GLT1D1: variants seen among roughly 807,000 people sequenced by gnomAD.
GLT1D1 encodes glycosyltransferase 1 domain-containing protein 1.
Under a neutral mutation model 28.7 loss-of-function variants are expected in GLT1D1, and 21 were observed. That is an observed-to-expected ratio of 0.73 (90% CI 0.52 to 1.05). GLT1D1 has a LOEUF of 1.05. Ranked by LOEUF, GLT1D1 falls within the 50% of genes least tolerant of loss-of-function variation. GLT1D1 has a pLI of 0.00. For synonymous variants in GLT1D1, 147 were observed against 124.8 expected (o/e 1.18, Z -1.19); for missense variants, 343 against 330.6 (o/e 1.04, Z -0.29).
intron 7 of GLT1D1, among the ~76,000 whole-genome samples, chr12:128,960,109 C>G (rs1431080035): frequency 6.6e-6 from 1 of 152,148 alleles, no homozygotes; most frequent in African/African-American, 2.4e-5. Flanking sequence ...CCATCAGACA[C>G]GACTCTGCGG....
intron 6 of GLT1D1, among the ~76,000 whole-genome samples, chr12:128,952,083 T>C (rs555629145): frequency 6.6e-6 from 1 of 152,190 alleles, no homozygotes; most frequent in East Asian, 1.9e-4. Flanking sequence ...TGCCAGGCCC[T>C]GGAGATGCCG....
At chr12:128,883,964 A>T (rs1346278347) in intron 2 of GLT1D1, among the ~76,000 whole-genome samples, 1 of 152,202 alleles carries the variant, frequency 6.6e-6, no homozygotes, top group Non-Finnish European at 1.5e-5. Context: ...GAAACAAGGG[A>T]TGACTGAATA....
intron 4 of GLT1D1, chr12:128,944,910 T>C (rs542420215): frequency 6.5e-5 from 30 of 463,750 alleles, no homozygotes; most frequent in Admixed American, 6.0e-4. Context: ...AACTCGTCAT[T>C]TACATTAGGT....
At chr12:128,967,196 TC>T (rs1878540666) in intron 7 of GLT1D1, among the ~76,000 whole-genome samples, 1 of 145,056 alleles carries the variant, frequency 6.9e-6, no homozygotes, top group Non-Finnish European at 1.5e-5. Flanking sequence ...CTAGCATTTA[TC>T]CAGAATGGGC....
chr12:128,859,383 C>T (rs10847705), intron 1 of GLT1D1, among the ~76,000 whole-genome samples: 23,400 of 152,092 alleles, frequency 0.15, 1,953 homozygotes, highest in Middle Eastern at 0.22. Context: ...ACTCTGCCTC[C>T]GGAAGAGCAT....
intron 4 of GLT1D1, among the ~76,000 whole-genome samples, chr12:128,923,877 G>A (rs1327652757): frequency 1.3e-5 from 2 of 151,948 alleles, no homozygotes; most frequent in Non-Finnish European, 2.9e-5. Context: ...TGAAGCAAAT[G>A]TGTCTAAATT....
chr12:128,928,623 TC>T (rs111375701), intron 4 of GLT1D1, among the ~76,000 whole-genome samples: 15,533 of 147,854 alleles, frequency 0.11, 864 homozygotes, highest in East Asian at 0.18. Flanking sequence ...TTTTTTTTTT[TC>T]TTTCTTTCTT....
chr12:128,983,180 A>G lies in GLT1D1; in HGVS notation c.*90A>G. 1.7e-6 allele frequency: 2 copies of G among 1,205,844 alleles called. No homozygotes were observed. Among genetic ancestry groups the G allele is most frequent in the Admixed American group, 2.1e-5 (1 of 47,802 alleles). 74.7% of individuals were successfully genotyped at this position (1,205,844 alleles called of 1,614,324 possible). On this transcript the variant is annotated 3_prime_UTR_variant, in exon 8 of 8. Transcript: ENST00000281703. This position sits in a 1 kb window ranked among gnomAD's most constrained non-coding sequence, Gnocchi z 4.7. The stretch of plus-strand genomic sequence containing the variant: ...GTTCTGGATCACGTGGGCCCAGTGC[A>G]GTTCAAATAAAACCAGCCTCAGCGG...
intron 7 of GLT1D1, among the ~76,000 whole-genome samples, chr12:128,964,035 T>C (rs1189145577): frequency 6.6e-6 from 1 of 152,194 alleles, no homozygotes; most frequent in Non-Finnish European, 1.5e-5. Context: ...TAGACAGCTG[T>C]CTTCTCCCTG....
At chr12:128,920,319 C>T (rs563139171) in intron 4 of GLT1D1, among the ~76,000 whole-genome samples, 4 of 152,194 alleles carry the variant, frequency 2.6e-5, no homozygotes, top group Admixed American at 2.6e-4. Flanking sequence ...GGCCGGAGGC[C>T]GAGGCAGCGG....
intron 4 of GLT1D1, among the ~76,000 whole-genome samples, chr12:128,922,837 C>T (rs984815322): frequency 2.1e-5 from 3 of 145,180 alleles, no homozygotes; most frequent in East Asian, 2.1e-4. Flanking sequence ...GCAGGAGAAT[C>T]GCTTGAACCC....
chr12:128,909,767 G>T (rs1871336613), intron 4 of GLT1D1, among the ~76,000 whole-genome samples: 1 of 152,158 alleles, frequency 6.6e-6, no homozygotes, highest in Admixed American at 6.5e-5. Context: ...CTATTTATAG[G>T]TATCTATCCA....
At chr12:128,970,834 C>T (rs1296722878) in intron 7 of GLT1D1, among the ~76,000 whole-genome samples, 1 of 152,220 alleles carries the variant, frequency 6.6e-6, no homozygotes, top group Non-Finnish European at 1.5e-5. Context: ...CATCTATAAA[C>T]ACCAGTCCCC....
At chr12:128,905,763 C>T (rs969422955) in intron 4 of GLT1D1, among the ~76,000 whole-genome samples, 2 of 151,790 alleles carry the variant, frequency 1.3e-5, no homozygotes, top group Non-Finnish European at 1.5e-5. Context: ...GCGTGATCAA[C>T]GTAGGTTATG....
rs1471206668 is a variant in GLT1D1, at chr12:128,853,510, C to T, written c.-72C>T. ...CAGCCGCCCCGGCTCCCCCGCCGTC[C>T]GCGTCTGCGCCGGCCCCGGGGCCTG... On this transcript the variant is annotated 5_prime_UTR_variant, in exon 1 of 8. Coordinates refer to ENST00000281703, the MANE Select transcript of GLT1D1 (RefSeq NM_144669.3). The T allele has an allele frequency of 1.0e-6, 1 of 998,680 alleles. No individual in the cohort carries two copies. The highest frequency in any genetic ancestry group is 1.2e-6 in the Non-Finnish European group (1 of 837,478). 61.9% of individuals were successfully genotyped at this position (998,680 alleles called of 1,614,324 possible).
At chr12:128,914,858 C>G (rs1871943169) in intron 4 of GLT1D1, 75 bp from the exon 6 acceptor site, 1 of 999,798 alleles carries the variant, frequency 1.0e-6, no homozygotes, top group African/African-American at 1.6e-5. Context: ...TAATAAGCCT[C>G]AACACAAAAT....
chr12:128,983,135 G>A lies in GLT1D1; in HGVS notation c.*45G>A. On this transcript the variant is annotated 3_prime_UTR_variant, in exon 8 of 8. Transcript: ENST00000281703. The surrounding 1 kb of genome is among the most constrained non-coding windows in gnomAD (Gnocchi z 4.7). ...ACCTGCTCTCTGACACACAGCTCTG[G>A]GTGCACACTCAGAGACAGAGTTCTG... 6.4e-7 allele frequency: 1 copy of A among 1,555,332 alleles called. No individual in the cohort carries two copies. Among genetic ancestry groups the A allele is most frequent in the Non-Finnish European group, 8.8e-7 (1 of 1,130,446 alleles).
intron 2 of GLT1D1, among the ~76,000 whole-genome samples, chr12:128,882,192 G>A (rs1593077140): frequency 6.6e-6 from 1 of 151,904 alleles, no homozygotes; most frequent in Admixed American, 6.6e-5. Context: ...ATATAAAATA[G>A]CTAAGTAGAA....
At chr12:128,854,623 A>G (rs539588953) in intron 1 of GLT1D1, among the ~76,000 whole-genome samples, 3 of 151,872 alleles carry the variant, frequency 2.0e-5, no homozygotes, top group Non-Finnish European at 4.4e-5. Context: ...CAGCCTCCCA[A>G]GTAGTTGGGA....
Sources: allele counts gnomAD v4.1 joint callset (sites outside exome capture counted in the v4.1 genomes callset), GRCh38; gene constraint gnomAD v4.1.1; non-coding constraint Gnocchi (gnomAD v3.1); transcripts MANE v1.5; gene names NCBI Gene and HGNC (gene_info 2026-07-23, HGNC 2026-07-21).